The following TTC7B variants were observed in gnomAD, a reference collection of about 807,000 sequenced individuals.
The protein encoded by TTC7B is tetratricopeptide repeat protein 7B.
A neutral mutation model predicts 106.8 loss-of-function variants in TTC7B; 28 were observed. The ratio of observed to expected loss-of-function variants is 0.26; its 90% CI spans 0.19 to 0.36. The LOEUF (loss-of-function observed/expected upper bound fraction) is 0.36. TTC7B is among the 10% of genes least tolerant of loss of function. The pLI, the probability that TTC7B is intolerant of heterozygous loss-of-function variation, is 1.00. For missense variants in TTC7B, 862 were observed against 1,076.4 expected (o/e 0.80, Z 2.79); for synonymous variants, 405 against 430.6 (o/e 0.94, Z 0.74).
chr14:90,572,259 C>G (rs904885108), intron 19 of TTC7B, among the ~76,000 whole-genome samples: 2 of 152,198 alleles, frequency 1.3e-5, no homozygotes, highest in African/African-American at 4.8e-5. Flanking sequence ...AAAGCTCCGA[C>G]TTCAGGCCCC....
At chr14:90,790,313 C>A (rs2140045061) in intron 1 of TTC7B, among the ~76,000 whole-genome samples, 1 of 151,604 alleles carries the variant, frequency 6.6e-6, no homozygotes, top group Non-Finnish European at 1.5e-5. Context: ...AAAAGTAACT[C>A]TTCTTTAAAA....
chr14:90,812,140 G>A (rs2030929468), intron 1 of TTC7B, among the ~76,000 whole-genome samples: 1 of 152,150 alleles, frequency 6.6e-6, no homozygotes, highest in African/African-American at 2.4e-5. Context: ...CCTGAGAGTG[G>A]GCATTCTGAG....
chr14:90,704,683 AC>A (rs1888133815), intron 5 of TTC7B, among the ~76,000 whole-genome samples: 1 of 152,206 alleles, frequency 6.6e-6, no homozygotes, highest in African/African-American at 2.4e-5. Context: ...GGAGTGGGTG[AC>A]AAAGGGGTAG....
intron 16 of TTC7B, 43 bp downstream of exon 16, chr14:90,617,886 C>T: frequency 1.3e-6 from 2 of 1,486,210 alleles, no homozygotes; most frequent in South Asian, 2.3e-5. Flanking sequence ...TAGGCAGGGA[C>T]CCATGCAAAA....
At chr14:90,811,912 G>A (rs927165139) in intron 1 of TTC7B, among the ~76,000 whole-genome samples, 2 of 152,224 alleles carry the variant, frequency 1.3e-5, no homozygotes, top group Admixed American at 1.3e-4. Context: ...GACCTCCAAT[G>A]TGCCTGTTTG....
Position 90,676,611 on chromosome 14 carries a change from C to T in TTC7B, c.1064G>A (p.Arg355His). ...AGATGCACTCTGCAGACTGATGAGG[C>T]GGTCACTCTTGTGTTCAGGTATCCT... ...LSRIPEHKSD[R>H]LISLQSASVV... Residue 355 changes from arginine (R) to histidine (H), a missense_variant, in exon 9 of 20, where the codon CGC becomes CAC. Physicochemically the swap from Arg to His is conservative, Grantham distance 29 (BLOSUM62 0). Coordinates refer to ENST00000328459, the MANE Select transcript of TTC7B (RefSeq NM_001010854.2). 1 of 1,614,080 alleles carries T rather than the reference C, an allele frequency of 6.2e-7. No individual in the cohort carries two copies. The highest frequency in any genetic ancestry group is 1.1e-5 in the South Asian group (1 of 91,078).
chr14:90,651,647 A>G (rs1271736644), intron 13 of TTC7B, among the ~76,000 whole-genome samples: 1 of 152,252 alleles, frequency 6.6e-6, no homozygotes, highest in Non-Finnish European at 1.5e-5. Flanking sequence ...GTGCTGAGGA[A>G]CATCAACAAA....
At chr14:90,782,946 G>GA (rs1221078410) in intron 2 of TTC7B, among the ~76,000 whole-genome samples, 32 of 144,422 alleles carry the variant, frequency 2.2e-4, no homozygotes, top group East Asian at 8.0e-4. Context: ...TACCAAAAGG[G>GA]AAAAAAAAAA....
At chr14:90,766,467 C>A in intron 3 of TTC7B, 2 of 643,964 alleles carry the variant, frequency 3.1e-6, no homozygotes, top group Non-Finnish European at 5.6e-6. Context: ...CATAGAAAAC[C>A]TAAAAAGAAG....
At chr14:90,769,745 G>A (rs1890801091) in intron 3 of TTC7B, among the ~76,000 whole-genome samples, 1 of 152,170 alleles carries the variant, frequency 6.6e-6, no homozygotes, top group South Asian at 2.1e-4. Context: ...CTGCAGCCTG[G>A]ATGACACAGC....
chr14:90,527,391 T>C lies in TTC7B; in HGVS notation c.*13977A>G, dbSNP rs1411961385. On this transcript the variant is annotated 3_prime_UTR_variant, in exon 20 of 20. Coordinates refer to ENST00000328459, the MANE Select transcript of TTC7B (RefSeq NM_001010854.2). ...GATCTTCTACGCCAGGCACTTCACATTGATGTTTCACTTAACCCCACCCCT... is the reference window on the plus strand; with the variant it reads ...GATCTTCTACGCCAGGCACTTCACACTGATGTTTCACTTAACCCCACCCCT... The C allele has an allele frequency of 2.6e-5, 4 of 152,182 alleles. No individual in the cohort carries two copies. Among genetic ancestry groups the C allele is most frequent in the Admixed American group, 1.3e-4 (2 of 15,280 alleles). 9.4% of individuals were successfully genotyped at this position (152,182 alleles called of 1,614,324 possible).
chr14:90,710,804 C>G (rs1001479090), intron 5 of TTC7B, among the ~76,000 whole-genome samples: 1 of 152,164 alleles, frequency 6.6e-6, no homozygotes, highest in Non-Finnish European at 1.5e-5. Flanking sequence ...TTATTGCATA[C>G]TTAACAGAAT....
At chr14:90,662,969 G>C (rs190902789) in intron 9 of TTC7B, among the ~76,000 whole-genome samples, 1 of 152,106 alleles carries the variant, frequency 6.6e-6, no homozygotes, top group Non-Finnish European at 1.5e-5. Flanking sequence ...CCTCATTTTA[G>C]AAAAGGATTC....
At position 90,747,038 on chromosome 14, in the gene TTC7B, C is replaced by G. The variant is rs546483467; in HGVS notation, c.446-2116G>C. On this transcript the variant is annotated intron_variant, in intron 3 of 19. Coordinates refer to ENST00000328459, the MANE Select transcript of TTC7B (RefSeq NM_001010854.2). ...GACAAGTGTCTTTGTTTATTTGGAG[C>G]CTTGAGCCATACCAGATAGTTTATG... is the stretch of plus-strand genomic sequence containing the variant. Among the ~76,000 whole-genome samples the G allele has an allele frequency of 1.8e-3, 267 of 152,236 alleles. 1 individual carries two copies. Among genetic ancestry groups the G allele is most frequent in the African/African-American group, 6.3e-3 (263 of 41,536 alleles).
Position 90,647,166 on chromosome 14 carries a change from T to C in TTC7B, c.1518-143A>G. The stretch of plus-strand genomic sequence containing the variant: ...ATGTAATGCTTCATTTAAACTCTTC[T>C]TCTTTGTCCACCTACACATGTAAAC... On this transcript the variant is annotated intron_variant, in intron 13 of 19. Coordinates refer to ENST00000328459, the MANE Select transcript of TTC7B (RefSeq NM_001010854.2). The C allele has an allele frequency of 4.4e-6, 3 of 688,774 alleles. No individual in the cohort carries two copies. In the Admixed American group the frequency reaches 7.0e-5, roughly 16 times the overall value. The allele number at this position is 688,774 out of a possible 1,614,324, so 42.7% of individuals were successfully genotyped here.
chr14:90,620,405 G>A (rs113703288), intron 15 of TTC7B, among the ~76,000 whole-genome samples: 12 of 152,260 alleles, frequency 7.9e-5, no homozygotes, highest in African/African-American at 2.6e-4. Context: ...AAGCCTGCCC[G>A]AGTCCAGAAC....
At chr14:90,732,920 G>A (rs753439805) in intron 4 of TTC7B, among the ~76,000 whole-genome samples, 1 of 152,080 alleles carries the variant, frequency 6.6e-6, no homozygotes, top group Non-Finnish European at 1.5e-5. Context: ...CATTAAGGAA[G>A]TCTGCCCTAT....
chr14:90,677,884 C>G (rs372106976), intron 8 of TTC7B: 25 of 440,940 alleles, frequency 5.7e-5, no homozygotes, highest in East Asian at 5.1e-4. Context: ...CAGGCCACTT[C>G]CTACAAAGTG....
intron 15 of TTC7B, among the ~76,000 whole-genome samples, chr14:90,641,077 G>A (rs1168198555): frequency 4.6e-5 from 7 of 152,118 alleles, no homozygotes; most frequent in Non-Finnish European, 7.4e-5. Flanking sequence ...AAATCCCTAC[G>A]GTTAGAAACA....
Sources: allele counts gnomAD v4.1 joint callset (sites outside exome capture counted in the v4.1 genomes callset), GRCh38; gene constraint gnomAD v4.1.1; transcripts MANE v1.5; gene names NCBI Gene and HGNC (gene_info 2026-07-23, HGNC 2026-07-21).